The following ARHGAP22 variants were observed in gnomAD, a reference collection of about 807,000 sequenced individuals.
ARHGAP22 encodes the protein Rho GTPase activating protein 22, also known as rho GTPase-activating protein 22.
A neutral mutation model predicts 59.1 loss-of-function variants in ARHGAP22; 48 were observed. The ratio of observed to expected loss-of-function variants is 0.81; its 90% CI spans 0.64 to 1.03. The LOEUF is 1.03. ARHGAP22 is among the 50% of genes least tolerant of loss of function. The probability of loss-of-function intolerance (pLI) is 0.00; values close to 1 mark genes in which losing one functional copy is unlikely to be tolerated. For synonymous variants in ARHGAP22, 445 were observed against 416.4 expected (o/e 1.07, Z -0.84); for missense variants, 1,015 against 958.7 (o/e 1.06, Z -0.78).
chr10:48,583,260 G>T, intron 1 of ARHGAP22, 108 bp from the exon 2 acceptor site: 3 of 1,333,000 alleles, frequency 2.3e-6, no homozygotes, highest in Non-Finnish European at 2.1e-6. Flanking sequence ...TGGGAGCCCA[G>T]GCCAGCAGGA....
chr10:48,595,134 G>A (rs1418104415), intron 1 of ARHGAP22, among the ~76,000 whole-genome samples: 1 of 152,222 alleles, frequency 6.6e-6, no homozygotes, highest in Non-Finnish European at 1.5e-5. Flanking sequence ...CCTATCTGCA[G>A]CTCTGTGAGT....
At chr10:48,467,811 A>G (rs1044540823) in intron 4 of ARHGAP22, among the ~76,000 whole-genome samples, 1 of 152,142 alleles carries the variant, frequency 6.6e-6, no homozygotes, top group Admixed American at 6.5e-5. Flanking sequence ...TACTCTGGGA[A>G]AAGTTGCTTA....
At chr10:48,461,724 C>T (rs61838728) in intron 4 of ARHGAP22, among the ~76,000 whole-genome samples, 6 of 152,186 alleles carry the variant, frequency 3.9e-5, no homozygotes, top group African/African-American at 1.2e-4. Context: ...CTACAAGGTG[C>T]GTGCCTGACT....
intron 1 of ARHGAP22, among the ~76,000 whole-genome samples, chr10:48,631,470 C>T (rs904389445): frequency 2.0e-5 from 3 of 152,172 alleles, no homozygotes; most frequent in Non-Finnish European, 4.4e-5. Flanking sequence ...ATTTATTTAA[C>T]TTCTTTAATA....
At chr10:48,506,220 G>A (rs1589815474) in intron 3 of ARHGAP22, among the ~76,000 whole-genome samples, 1 of 152,128 alleles carries the variant, frequency 6.6e-6, no homozygotes, top group African/African-American at 2.4e-5. Flanking sequence ...GATACGTTCT[G>A]AGAAATATGT....
chr10:48,498,585 T>C (rs2051183810), intron 3 of ARHGAP22, among the ~76,000 whole-genome samples: 1 of 152,024 alleles, frequency 6.6e-6, no homozygotes, highest in Non-Finnish European at 1.5e-5. Context: ...CTTTGTGGAG[T>C]TCTCATACCC....
At chr10:48,583,671 TG>T (rs1473484609) in intron 1 of ARHGAP22, among the ~76,000 whole-genome samples, 1 of 152,254 alleles carries the variant, frequency 6.6e-6, no homozygotes, top group African/African-American at 2.4e-5. Context: ...GCAGGGTTCC[TG>T]TTGCTCAGGT....
At chr10:48,628,162 C>A (rs1323844877) in intron 1 of ARHGAP22, among the ~76,000 whole-genome samples, 1 of 152,206 alleles carries the variant, frequency 6.6e-6, no homozygotes, top group Non-Finnish European at 1.5e-5. Context: ...ATGGCCCTGC[C>A]TTCCAGTTCT....
At chr10:48,456,770 C>T (rs980396203) in intron 5 of ARHGAP22, among the ~76,000 whole-genome samples, 12 of 152,150 alleles carry the variant, frequency 7.9e-5, no homozygotes, top group African/African-American at 2.7e-4. Flanking sequence ...TGCCTGACCC[C>T]CTATCCGCTC....
intron 3 of ARHGAP22, among the ~76,000 whole-genome samples, chr10:48,545,577 T>C (rs556448077): frequency 9.2e-5 from 14 of 152,314 alleles, no homozygotes; most frequent in Non-Finnish European, 1.6e-4. Context: ...GGTGCCGAGA[T>C]AGGCCGGTAT....
intron 5 of ARHGAP22, among the ~76,000 whole-genome samples, chr10:48,458,480 G>A (rs1317156602): frequency 6.6e-6 from 1 of 152,138 alleles, no homozygotes. Context: ...TTGGCAGTGT[G>A]GGTGAGGCGC....
At chr10:48,454,888 C>T (rs1295583391) in intron 6 of ARHGAP22, 114 bp downstream of exon 6, 88 of 1,339,718 alleles carry the variant, frequency 6.6e-5, no homozygotes, top group Non-Finnish European at 7.7e-5. Flanking sequence ...CAGCAGGCCT[C>T]CACAGGATCC....
chr10:48,450,320 G>T lies in ARHGAP22; in HGVS notation c.1809C>A (p.Val603=). Reference sequence around the variant, plus strand: ...GGCACAGCTCGGCCCTGAGCTCAGTGACCAGCCCCTGTAAGGCCTCGGAGC... The same window carrying T: ...GGCACAGCTCGGCCCTGAGCTCAGTTACCAGCCCCTGTAAGGCCTCGGAGC... ...ARRSEALQGL[V]TELRAELCRQ... The change falls in exon 9 of 10, where the codon GTC becomes GTA. Residue 603 remains valine, a synonymous_variant. Transcript: ENST00000249601. The T allele has an allele frequency of 1.2e-6, 2 of 1,606,128 alleles. No individual in the cohort carries two copies. Among genetic ancestry groups the T allele is most frequent in the South Asian group, 1.1e-5 (1 of 89,610 alleles).
At chr10:48,592,585 C>T (rs1184297665) in intron 1 of ARHGAP22, among the ~76,000 whole-genome samples, 1 of 152,188 alleles carries the variant, frequency 6.6e-6, no homozygotes, top group Non-Finnish European at 1.5e-5. Context: ...CCTCTCAGTG[C>T]TGAGTGTGCA....
At position 48,450,246 on chromosome 10, in the gene ARHGAP22, G is replaced by A. The variant is rs767361802; in HGVS notation, c.1868+15C>T. The stretch of plus-strand genomic sequence containing the variant: ...TCCGCCCCGTCACAGGAGGCTCCAC[G>A]GGGCAGCAAGTTACCTTTTCACACT... On this transcript the variant is annotated intron_variant, in intron 9 of 9. Transcript: ENST00000249601. The A allele has an allele frequency of 5.6e-6, 9 of 1,605,980 alleles. No individual in the cohort carries two copies. Among genetic ancestry groups the A allele is most frequent in the Middle Eastern group, 1.7e-4 (1 of 6,012 alleles).
upstream of ARHGAP22, among the ~76,000 whole-genome samples, chr10:48,608,472 C>T (rs2060759153): frequency 1.3e-5 from 2 of 152,208 alleles, no homozygotes; most frequent in Non-Finnish European, 2.9e-5. Flanking sequence ...GCCCTGCTTC[C>T]CCTGTTCCAG....
intron 1 of ARHGAP22, among the ~76,000 whole-genome samples, chr10:48,622,294 G>A (rs1011914254): frequency 6.6e-6 from 1 of 151,232 alleles, no homozygotes; most frequent in Non-Finnish European, 1.5e-5. Context: ...TTCTTTTACT[G>A]TATATTTTTG....
chr10:48,531,112 G>A (rs915768129), intron 3 of ARHGAP22, among the ~76,000 whole-genome samples: 1 of 152,200 alleles, frequency 6.6e-6, no homozygotes, highest in Non-Finnish European at 1.5e-5. Flanking sequence ...CGAAATAATG[G>A]CATTTGCAGC....
rs1343861659 is a variant in ARHGAP22, at chr10:48,637,542, G to T, written c.52+14692C>A. On this transcript the variant is annotated intron_variant, in intron 1 of 9. Transcript: ENST00000435790. ...ATGAATGACTGGTGGATGTATAAAT[G>T]GATGGATGGATGGGTAAATGGATGG... Among the ~76,000 whole-genome samples, 4 of 151,796 alleles carry T rather than the reference G, an allele frequency of 2.6e-5. No individual in the cohort carries two copies. In the East Asian group the frequency reaches 7.7e-4, roughly 29 times the overall value.
Sources: gnomAD v4.1 joint callset for allele counts (sites outside exome capture counted in the v4.1 genomes callset) on GRCh38, gnomAD v4.1.1 for gene constraint, MANE v1.5 for transcripts, NCBI Gene and HGNC (gene_info 2026-07-23, HGNC 2026-07-21) for gene names.